The following TRIO variants were observed in gnomAD, a reference collection of about 807,000 sequenced individuals.
TRIO encodes the protein triple functional domain protein.
TRIO carries 58 observed loss-of-function variants against 351.9 expected under a neutral mutation model. That is an observed-to-expected ratio of 0.16 (90% CI 0.13 to 0.21). The LOEUF is 0.21. Ranked by LOEUF, TRIO falls within the 10% of genes least tolerant of loss-of-function variation. The pLI is 1.00. For synonymous variants in TRIO, 1,758 were observed against 1,595.7 expected (o/e 1.10, Z -2.42); for missense variants, 3,201 against 4,027.8 (o/e 0.79, Z 5.56).
intron 20 of TRIO, among the ~76,000 whole-genome samples, chr5:14,380,268 CCGCCTCCTCCTTCGCG>C (rs2152353052): frequency 1.8e-4 from 5 of 28,200 alleles, no homozygotes; most frequent in Non-Finnish European, 3.7e-4. Flanking sequence ...TCCCGGCGCC[CCGCCTCCTCCTTCGCG>C]CCCCGCCTCC....
intron 8 of TRIO, among the ~76,000 whole-genome samples, chr5:14,314,846 C>T (rs1176750169): frequency 6.6e-6 from 1 of 152,158 alleles, no homozygotes; most frequent in Non-Finnish European, 1.5e-5. Context: ...TTAAATTTTC[C>T]ATTTTTGTTT....
At chr5:14,456,658 G>A (rs534549979) in intron 34 of TRIO, among the ~76,000 whole-genome samples, 1 of 152,302 alleles carries the variant, frequency 6.6e-6, no homozygotes, top group African/African-American at 2.4e-5. Flanking sequence ...GTGCACAAAA[G>A]TAATTTAAGA....
intron 42 of TRIO, among the ~76,000 whole-genome samples, chr5:14,479,678 TA>T (rs1157593062): frequency 2.6e-5 from 4 of 152,030 alleles, no homozygotes; most frequent in African/African-American, 9.7e-5. Context: ...TTTATATGAA[TA>T]AAATAATGCA....
intron 51 of TRIO, 54 bp from the exon 52 acceptor site, chr5:14,498,035 G>C: frequency 8.7e-6 from 14 of 1,612,612 alleles, no homozygotes; most frequent in African/African-American, 1.3e-5. Context: ...ATGTGGGTGG[G>C]TGTGGAGGAG....
chr5:14,414,821 G>A (rs543568268), intron 33 of TRIO, among the ~76,000 whole-genome samples: 3 of 152,266 alleles, frequency 2.0e-5, no homozygotes, highest in South Asian at 2.1e-4. Context: ...GCGTGAGCAC[G>A]GAGGGCCTGT....
At chr5:14,220,673 A>T (rs1004613039) in intron 1 of TRIO, among the ~76,000 whole-genome samples, 1 of 152,228 alleles carries the variant, frequency 6.6e-6, no homozygotes, top group Non-Finnish European at 1.5e-5. Flanking sequence ...TGGTCTGGAT[A>T]GAAGATCTAG....
At chr5:14,273,276 C>T (rs963533381) in intron 2 of TRIO, among the ~76,000 whole-genome samples, 3 of 152,170 alleles carry the variant, frequency 2.0e-5, no homozygotes, top group Non-Finnish European at 4.4e-5. Flanking sequence ...TTAAAAGATA[C>T]TTATTAGGTC....
intron 1 of TRIO, among the ~76,000 whole-genome samples, chr5:14,269,682 G>A (rs1795876404): frequency 2.1e-5 from 3 of 144,964 alleles, no homozygotes; most frequent in Admixed American, 1.4e-4. Context: ...TTTTATAAAT[G>A]TTCCCTGTAG....
chr5:14,489,953 G>A (rs866685078), intron 48 of TRIO, among the ~76,000 whole-genome samples: 16 of 152,186 alleles, frequency 1.1e-4, no homozygotes, highest in Non-Finnish European at 2.2e-4. Context: ...AAAGGCCTAG[G>A]AAGACTCCAG....
chr5:14,388,548 A>G (rs946070656), intron 23 of TRIO, 65 bp from the exon 24 acceptor site: 5 of 1,469,694 alleles, frequency 3.4e-6, no homozygotes, highest in Non-Finnish European at 4.7e-6. Flanking sequence ...TCATAAATCC[A>G]TAAAAGTAGA....
chr5:14,405,735 A>G (rs1748647561), intron 31 of TRIO, 113 bp from the exon 32 acceptor site: 1 of 1,203,694 alleles, frequency 8.3e-7, no homozygotes, highest in East Asian at 2.4e-5. Context: ...CTTTTCTGCT[A>G]AAAAGTCATT....
At chr5:14,255,558 C>T (rs1794979433) in intron 1 of TRIO, among the ~76,000 whole-genome samples, 1 of 152,292 alleles carries the variant, frequency 6.6e-6, no homozygotes, top group South Asian at 2.1e-4. Context: ...CGTCCCTCCT[C>T]TGAAATGCTG....
chr5:14,234,966 A>C (rs1002270210), intron 1 of TRIO, among the ~76,000 whole-genome samples: 3 of 152,200 alleles, frequency 2.0e-5, no homozygotes, highest in African/African-American at 7.2e-5. Context: ...TATTTTATTT[A>C]AAAAGTATAT....
chr5:14,367,977 G>A (rs573501211), intron 16 of TRIO, among the ~76,000 whole-genome samples: 7 of 152,084 alleles, frequency 4.6e-5, no homozygotes, highest in Non-Finnish European at 7.4e-5. Flanking sequence ...TTCTTCAGGC[G>A]AAATGAGAGG....
chr5:14,445,600 A>G lies in TRIO; in HGVS notation c.5204-15419A>G, dbSNP rs571357129. Reference sequence around the variant, plus strand: ...TTGCTACTTCTTGTTAAAATCAACAATTCCTTCTGTAGTGAAATGGACCTG... The same window carrying G: ...TTGCTACTTCTTGTTAAAATCAACAGTTCCTTCTGTAGTGAAATGGACCTG... On this transcript the variant is annotated intron_variant, in intron 34 of 56. Coordinates refer to ENST00000344204, the MANE Select transcript of TRIO (RefSeq NM_007118.4). Among the ~76,000 whole-genome samples, 11 of 152,372 alleles carry G rather than the reference A, an allele frequency of 7.2e-5. No homozygotes were observed. The South Asian group carries it at 1.2e-3, about 17-fold the overall frequency.
At chr5:14,406,196 C>T (rs1748702015) in intron 32 of TRIO, 2 of 760,326 alleles carry the variant, frequency 2.6e-6, no homozygotes, top group Admixed American at 5.9e-5. Flanking sequence ...AAACGAAGGG[C>T]TGTGTGCAAA....
intron 34 of TRIO, among the ~76,000 whole-genome samples, chr5:14,439,520 A>ATTAAAAAGG (rs1751857825): frequency 6.6e-6 from 1 of 152,258 alleles, no homozygotes; most frequent in South Asian, 2.1e-4. Context: ...AAAGGGACAA[A>ATTAAAAAGG]GTCAACTTTT....
At chr5:14,384,231 G>A (rs571743276) in intron 21 of TRIO, among the ~76,000 whole-genome samples, 2 of 152,166 alleles carry the variant, frequency 1.3e-5, no homozygotes, top group Non-Finnish European at 2.9e-5. Flanking sequence ...CCTTACTGAC[G>A]CCACAGCCTT....
chr5:14,217,983 TGAAA>T (rs1311828035), intron 1 of TRIO, among the ~76,000 whole-genome samples: 5 of 152,248 alleles, frequency 3.3e-5, no homozygotes, highest in Non-Finnish European at 7.3e-5. Context: ...AGTAACTTTT[TGAAA>T]GAAGACTCTG....
Sources: allele counts gnomAD v4.1 joint callset (sites outside exome capture counted in the v4.1 genomes callset), GRCh38; gene constraint gnomAD v4.1.1; transcripts MANE v1.5; gene names NCBI Gene and HGNC (gene_info 2026-07-23, HGNC 2026-07-21).